TTC39B: variants seen among roughly 807,000 people sequenced by gnomAD.
The protein encoded by TTC39B is tetratricopeptide repeat protein 39B.
A neutral mutation model predicts 96.6 loss-of-function variants in TTC39B; 92 were observed. The observed-to-expected ratio is 0.95, with a 90% CI of 0.80 to 1.13. The LOEUF (loss-of-function observed/expected upper bound fraction) is 1.13. Among genes scored for constraint, TTC39B ranks in the 50% most tolerant of loss-of-function variants. The probability of loss-of-function intolerance (pLI) is 0.00; values close to 1 mark genes in which losing one functional copy is unlikely to be tolerated. For synonymous variants in TTC39B, 367 were observed against 299.4 expected (o/e 1.23, Z -2.33); for missense variants, 955 against 809.3 (o/e 1.18, Z -2.18).
rs371008160 is a variant in TTC39B, at chr9:15,271,526, A to T, written c.241-3578T>A. On this transcript the variant is annotated intron_variant, in intron 1 of 19. Coordinates refer to ENST00000512701, the Ensembl canonical transcript of TTC39B. Reference sequence around the variant, plus strand: ...TTCTCATAAGGAGTGCGCAACCTAGATCACTTGCATGCACATTTCACAGTA... The same window carrying T: ...TTCTCATAAGGAGTGCGCAACCTAGTTCACTTGCATGCACATTTCACAGTA... Among the ~76,000 whole-genome samples the T allele has an allele frequency of 1.2e-3, 180 of 152,206 alleles. 1 individual carries two copies. The highest frequency in any genetic ancestry group is 3.4e-3 in the African/African-American group (142 of 41,528).
exon 20 of TTC39B, chr9:15,170,621 A>G (rs1817618500): frequency 6.6e-6 from 1 of 152,320 alleles, no homozygotes; most frequent in South Asian, 2.1e-4. Flanking sequence ...GTGTCATGGA[A>G]CTATTAACCC....
intron 1 of TTC39B, among the ~76,000 whole-genome samples, chr9:15,303,796 T>C (rs1824675544): frequency 6.6e-6 from 1 of 152,034 alleles, no homozygotes. Flanking sequence ...CACGCCCAGC[T>C]AATTTTTTTG....
chr9:15,267,593 GCAAAC>G (rs1320693503), intron 2 of TTC39B, among the ~76,000 whole-genome samples: 1 of 152,050 alleles, frequency 6.6e-6, no homozygotes, highest in Non-Finnish European at 1.5e-5. Context: ...AAAACTAAGT[GCAAAC>G]CAAACACAAA....
intron 17 of TTC39B, among the ~76,000 whole-genome samples, chr9:15,180,582 C>T (rs1013269545): frequency 3.9e-5 from 6 of 152,150 alleles, no homozygotes; most frequent in Admixed American, 3.3e-4. Flanking sequence ...GAAGCCAATA[C>T]ACATCCAGTT....
chr9:15,270,817 CAG>C lies in TTC39B; in HGVS notation c.241-2871_241-2870del, dbSNP rs538472600. 8.6e-5 allele frequency among the ~76,000 whole-genome samples: 13 copies of C among 151,396 alleles called. No individual in the cohort carries two copies. In the East Asian group the frequency reaches 2.5e-3, roughly 29 times the overall value. On this transcript the variant is annotated intron_variant, in intron 1 of 19. Transcript: ENST00000512701. ...TTTTGTTGAAACAGTAATCACGGGG[CAG>C]AGAGTTTTCTAAATAAAGCATATGT...
chr9:15,181,898 T>C (rs986639584), intron 17 of TTC39B, among the ~76,000 whole-genome samples: 5 of 152,158 alleles, frequency 3.3e-5, no homozygotes, highest in Non-Finnish European at 7.4e-5. Flanking sequence ...TTCACAGAGT[T>C]GTACAGCCAT....
chr9:15,197,881 A>G (rs1564334895), intron 8 of TTC39B, among the ~76,000 whole-genome samples: 1 of 152,180 alleles, frequency 6.6e-6, no homozygotes, highest in Non-Finnish European at 1.5e-5. Flanking sequence ...TCAGAATACT[A>G]TAGTTAGCAA....
chr9:15,298,079 A>C (rs7021480), intron 1 of TTC39B, among the ~76,000 whole-genome samples: 24,942 of 152,152 alleles, frequency 0.16, 3,779 homozygotes, highest in African/African-American at 0.41. Flanking sequence ...AAGAAGACAG[A>C]GGAAAGCCAA....
chr9:15,192,658 T>G, exon 9 of TTC39B: 1 of 1,614,118 alleles, frequency 6.2e-7, no homozygotes, highest in Non-Finnish European at 8.5e-7. Context: ...TGCTGAAGTT[T>G]GTTCTTCTGA....
At position 15,306,785 on chromosome 9, in the gene TTC39B, C is replaced by T. The variant is rs993904061; in HGVS notation, c.240+299G>A. On this transcript the variant is annotated intron_variant, in intron 1 of 19. Transcript: ENST00000512701. The surrounding 1 kb of genome is among the most constrained non-coding windows in gnomAD (Gnocchi z 5.1). Reference sequence around the variant, plus strand: ...AGCTCAGAGCTGCGGGTCCTATGGTCCCGCGCCCTCACGCCCATCCAAGTG... The same window carrying T: ...AGCTCAGAGCTGCGGGTCCTATGGTTCCGCGCCCTCACGCCCATCCAAGTG... Among the ~76,000 whole-genome samples the T allele has an allele frequency of 6.6e-6, 1 of 152,182 alleles. No individual in the cohort carries two copies. The highest frequency in any genetic ancestry group is 2.4e-5 in the African/African-American group (1 of 41,464).
At chr9:15,284,822 T>C (rs553233577) in intron 1 of TTC39B, among the ~76,000 whole-genome samples, 4 of 152,276 alleles carry the variant, frequency 2.6e-5, no homozygotes, top group African/African-American at 4.8e-5. Flanking sequence ...ATTTTATGTA[T>C]TACTATATAT....
chr9:15,185,117 A>G (rs1188099350), intron 16 of TTC39B, among the ~76,000 whole-genome samples, 163 bp downstream of exon 16: 1 of 152,230 alleles, frequency 6.6e-6, no homozygotes, highest in African/African-American at 2.4e-5. Flanking sequence ...CATTAGCTAC[A>G]GTTTTTATTT....
chr9:15,228,754 C>G (rs182943514), intron 2 of TTC39B, among the ~76,000 whole-genome samples: 1 of 152,262 alleles, frequency 6.6e-6, no homozygotes, highest in East Asian at 1.9e-4. Flanking sequence ...TATGCTCAAA[C>G]AAACTAGTTA....
chr9:15,222,020 C>G (rs530959416), intron 3 of TTC39B, among the ~76,000 whole-genome samples: 1 of 152,132 alleles, frequency 6.6e-6, no homozygotes, highest in African/African-American at 2.4e-5. Flanking sequence ...TAAATGAATT[C>G]GGAAGAAGCA....
At chr9:15,211,218 G>C in intron 5 of TTC39B, 48 bp downstream of exon 5, 1 of 1,401,788 alleles carries the variant, frequency 7.1e-7, no homozygotes, top group Non-Finnish European at 9.4e-7. Context: ...TGTCACACAG[G>C]CATAAAAGTT....
intron 3 of TTC39B, among the ~76,000 whole-genome samples, chr9:15,221,284 T>C (rs1225194153): frequency 6.6e-6 from 1 of 152,128 alleles, no homozygotes; most frequent in African/African-American, 2.4e-5. Context: ...AGGGAAGAGC[T>C]CTCCCTCCCA....
intron 1 of TTC39B, among the ~76,000 whole-genome samples, chr9:15,273,060 C>G (rs544544216): frequency 5.9e-5 from 9 of 152,188 alleles, no homozygotes; most frequent in Non-Finnish European, 1.3e-4. Context: ...CATCTTAACT[C>G]GCTAGCTTTG....
intron 1 of TTC39B, among the ~76,000 whole-genome samples, chr9:15,290,484 A>G (rs1329793554): frequency 6.6e-6 from 1 of 152,194 alleles, no homozygotes; most frequent in Non-Finnish European, 1.5e-5. Flanking sequence ...GTTCTGTTCA[A>G]TCTCACCCTG....
chr9:15,246,221 C>G (rs1349863760), intron 2 of TTC39B, among the ~76,000 whole-genome samples: 1 of 152,138 alleles, frequency 6.6e-6, no homozygotes, highest in Non-Finnish European at 1.5e-5. Context: ...CCATTGCACT[C>G]CAGCCTGGGC....
Sources: allele counts gnomAD v4.1 joint callset (sites outside exome capture counted in the v4.1 genomes callset), GRCh38; gene constraint gnomAD v4.1.1; non-coding constraint Gnocchi (gnomAD v3.1); transcripts MANE v1.5; gene names NCBI Gene and HGNC (gene_info 2026-07-23, HGNC 2026-07-21).